The following ETHE1 variants were observed in gnomAD, a reference collection of about 807,000 sequenced individuals.
The protein encoded by ETHE1 is persulfide dioxygenase ETHE1, mitochondrial.
ETHE1 carries 16 observed loss-of-function variants against 25.7 expected under a neutral mutation model. The ratio of observed to expected loss-of-function variants is 0.62; its 90% CI spans 0.42 to 0.95. The LOEUF (loss-of-function observed/expected upper bound fraction) is 0.95. ETHE1 is among the 40% of genes least tolerant of loss of function. The pLI is 0.00. For synonymous variants in ETHE1, 139 were observed against 135.9 expected (o/e 1.02, Z -0.16); for missense variants, 300 against 333.6 (o/e 0.90, Z 0.79).
intron 3 of ETHE1, among the ~76,000 whole-genome samples, chr19:43,513,299 C>T (rs1431695335): frequency 1.3e-5 from 2 of 152,060 alleles, no homozygotes. Context: ...AGAGGGCCAT[C>T]GCCCTCCAGA....
In ETHE1 at chr19:43,526,183, A is replaced by C; in HGVS notation, c.375+18T>G. 3 of 1,614,030 alleles carry C rather than the reference A, an allele frequency of 1.9e-6. No homozygotes were observed. Among genetic ancestry groups the C allele is most frequent in the Non-Finnish European group, 2.5e-6 (3 of 1,179,994 alleles). On this transcript the variant is annotated intron_variant, in intron 3 of 6. Coordinates refer to ENST00000292147, the MANE Select transcript of ETHE1 (RefSeq NM_014297.5). ...AGTCCAGGCCACCACCCTCTTGGGG[A>C]CCCAGCACCCAACTCACGAAGCGCC...
chr19:43,517,006 T>C (rs1972033839), intron 3 of ETHE1, among the ~76,000 whole-genome samples: 1 of 151,948 alleles, frequency 6.6e-6, no homozygotes, highest in African/African-American at 2.4e-5. Context: ...TTTTCTTCAG[T>C]AAAGATGGGC....
chr19:43,522,485 AT>A (rs71336875), intron 3 of ETHE1, among the ~76,000 whole-genome samples: 1 of 151,838 alleles, frequency 6.6e-6, no homozygotes, highest in South Asian at 2.1e-4. Flanking sequence ...TTATTTATTT[AT>A]TTTTTTTGAA....
intron 3 of ETHE1, among the ~76,000 whole-genome samples, chr19:43,516,087 A>T (rs1972013805): frequency 6.6e-6 from 1 of 152,168 alleles, no homozygotes; most frequent in African/African-American, 2.4e-5. Context: ...GAATATCTTC[A>T]CGCTATGGTT....
At chr19:43,508,655 T>C in intron 5 of ETHE1, 120 bp downstream of exon 5, 1 of 854,492 alleles carries the variant, frequency 1.2e-6, no homozygotes, top group Non-Finnish European at 1.9e-6. Context: ...AAACACTTAA[T>C]TTTTTTTGGC....
In ETHE1 at chr19:43,526,317, C is replaced by G. The variant is rs1044042151; in HGVS notation, c.259G>C (p.Gly87Arg). 2 of 1,614,048 alleles carry G rather than the reference C, an allele frequency of 1.2e-6. No homozygotes were observed. The highest frequency in any genetic ancestry group is 1.7e-6 in the Non-Finnish European group (2 of 1,180,036). ...AGGAGGGAACGGAGCAGCCCCGAGC[C>G]TGTAATGTGGTCCGCGTGGCAGTGG... ...NTHCHADHITGSGLLRSLLPG... is the reference protein window; with the variant it reads ...NTHCHADHITRSGLLRSLLPG... Residue 87 changes from glycine to arginine, a missense_variant, in exon 3 of 7, where the codon GGC becomes CGC. Coordinates refer to ENST00000292147, the MANE Select transcript of ETHE1 (RefSeq NM_014297.5).
chr19:43,523,434 T>C (rs1164722846), intron 3 of ETHE1, among the ~76,000 whole-genome samples: 2 of 151,874 alleles, frequency 1.3e-5, no homozygotes, highest in Non-Finnish European at 2.9e-5. Context: ...CTCACCACCA[T>C]ACCGCTTAAT....
chr19:43,520,045 CAAA>C (rs35862147), intron 3 of ETHE1, among the ~76,000 whole-genome samples: 11 of 118,708 alleles, frequency 9.3e-5, no homozygotes, highest in Non-Finnish European at 1.1e-4. Flanking sequence ...GACCCCCACC[CAAA>C]AAAAAAAAAA....
chr19:43,506,986 T>C, intron 6 of ETHE1, 84 bp from the exon 7 acceptor site: 1 of 1,450,094 alleles, frequency 6.9e-7, no homozygotes, highest in Non-Finnish European at 9.6e-7. Context: ...CCTAGGAACC[T>C]TTCCTCTTCA....
intron 3 of ETHE1, among the ~76,000 whole-genome samples, chr19:43,517,771 G>A (rs374042737): frequency 1.4e-5 from 2 of 147,564 alleles, no homozygotes; most frequent in Non-Finnish European, 3.0e-5. Context: ...GTGAGACTCC[G>A]CCTCAAAAAA....
intron 3 of ETHE1, among the ~76,000 whole-genome samples, chr19:43,513,905 A>G (rs968962450): frequency 1.3e-5 from 2 of 151,974 alleles, no homozygotes; most frequent in Non-Finnish European, 1.5e-5. Context: ...TATTTTTAGT[A>G]TAGACAGGGT....
At chr19:43,512,681 C>A (rs541301278) in intron 3 of ETHE1, among the ~76,000 whole-genome samples, 1 of 152,202 alleles carries the variant, frequency 6.6e-6, no homozygotes, top group South Asian at 2.1e-4. Flanking sequence ...GGAATTGGAA[C>A]CTATGTTTAA....
intron 3 of ETHE1, among the ~76,000 whole-genome samples, chr19:43,525,134 AAAAGAAAG>A (rs1238788313): frequency 2.7e-5 from 4 of 150,462 alleles, no homozygotes; most frequent in Non-Finnish European, 4.4e-5. Flanking sequence ...ATAAAAAAAA[AAAAGAAAG>A]AAAGAAAGAA....
intron 1 of ETHE1, 54 bp from the exon 2 acceptor site, chr19:43,526,713 G>A (rs1972257870): frequency 3.1e-6 from 5 of 1,611,372 alleles, no homozygotes; most frequent in Non-Finnish European, 4.2e-6. Flanking sequence ...ACCCACTGGA[G>A]GCCAAGTAGT....
chr19:43,520,690 A>G (rs1197483163), intron 3 of ETHE1, among the ~76,000 whole-genome samples: 1 of 150,566 alleles, frequency 6.6e-6, no homozygotes, highest in Non-Finnish European at 1.5e-5. Context: ...ACAAAGTGAG[A>G]CCCTGTCTCA....
At position 43,508,830 on chromosome 19, in the gene ETHE1, T is replaced by C. The variant is rs2145979198; in HGVS notation, c.540A>G (p.Glu180=). The change falls in exon 5 of 7, where the codon GAA becomes GAG. Residue 180 remains glutamate, a synonymous_variant. Transcript: ENST00000292147. ...CAKTLYHSVH[E]KIFTLPGDCL... is the part of the protein sequence containing the mutation. The stretch of plus-strand genomic sequence containing the variant: ...AGTCTCCTGGAAGTGTGAAGATCTT[T>C]TCATGGACCGAGTGGTACAAGGTCT... 2.5e-6 allele frequency: 4 copies of C among 1,608,780 alleles called. No homozygotes were observed. In the Admixed American group the frequency reaches 5.1e-5, roughly 20 times the overall value.
chr19:43,511,561 C>T lies in ETHE1; in HGVS notation c.381G>A (p.Leu127=). ...GDSIRFGRFA[L]ETRASPGHTP... is the part of the protein sequence containing the mutation. ...TGTGGCCAGGGCTGGCCCTGGTCTC[C>T]AACGCCTGGCAGGGGTGGAAGAGTA... The change falls in exon 4 of 7, where the codon TTG becomes TTA. Residue 127 remains leucine (L), a synonymous_variant. Coordinates refer to ENST00000292147, the MANE Select transcript of ETHE1 (RefSeq NM_014297.5). 6.2e-7 allele frequency: 1 copy of T among 1,613,350 alleles called. No individual in the cohort carries two copies. Among genetic ancestry groups the T allele is most frequent in the Non-Finnish European group, 8.5e-7 (1 of 1,179,994 alleles).
chr19:43,510,785 T>C (rs1461159758), intron 4 of ETHE1, among the ~76,000 whole-genome samples: 1 of 152,012 alleles, frequency 6.6e-6, no homozygotes, highest in Non-Finnish European at 1.5e-5. Flanking sequence ...TCCCATACTC[T>C]AGCATGGGGG....
intron 3 of ETHE1, among the ~76,000 whole-genome samples, chr19:43,519,207 T>C (rs1330869141): frequency 6.6e-6 from 1 of 151,830 alleles, no homozygotes; most frequent in African/African-American, 2.4e-5. Flanking sequence ...GGACGGGGTT[T>C]CATCATGTTG....
Sources: gnomAD v4.1 joint callset for allele counts (sites outside exome capture counted in the v4.1 genomes callset) on GRCh38, gnomAD v4.1.1 for gene constraint, MANE v1.5 for transcripts, NCBI Gene and HGNC (gene_info 2026-07-23, HGNC 2026-07-21) for gene names.